Variants in DNAJC15 observed in about 807,000 individuals in gnomAD.
DNAJC15 encodes the protein DnaJ heat shock protein family (Hsp40) member C15.
A neutral mutation model predicts 22.4 loss-of-function variants in DNAJC15; 27 were observed. That is an observed-to-expected ratio of 1.20 (90% CI 0.89 to 1.66). DNAJC15 has a LOEUF of 1.66. Among genes scored for constraint, DNAJC15 ranks in the 40% most tolerant of loss-of-function variants. DNAJC15 has a pLI of 0.00. For synonymous variants in DNAJC15, 79 were observed against 63.2 expected (o/e 1.25, Z -1.19); for missense variants, 208 against 187.1 (o/e 1.11, Z -0.65).
At chr13:43,057,956 G>T (rs1452009251) in intron 1 of DNAJC15, among the ~76,000 whole-genome samples, 1 of 152,164 alleles carries the variant, frequency 6.6e-6, no homozygotes, top group Non-Finnish European at 1.5e-5. Flanking sequence ...GATGTGATCT[G>T]TGTTTGAGTC....
At chr13:43,095,048 T>A (rs561603956) in intron 5 of DNAJC15, among the ~76,000 whole-genome samples, 6 of 152,314 alleles carry the variant, frequency 3.9e-5, no homozygotes, top group African/African-American at 7.2e-5. Flanking sequence ...TGGCTTTTTT[T>A]AGTTGCTTTT....
chr13:43,098,878 TC>T (rs1449857806), intron 5 of DNAJC15, among the ~76,000 whole-genome samples: 1 of 152,202 alleles, frequency 6.6e-6, no homozygotes, highest in Non-Finnish European at 1.5e-5. Flanking sequence ...TTATGGTCCT[TC>T]CATAATAATT....
intron 1 of DNAJC15, among the ~76,000 whole-genome samples, chr13:43,056,140 G>T (rs191085241): frequency 6.6e-6 from 1 of 151,472 alleles, no homozygotes; most frequent in East Asian, 1.9e-4. Flanking sequence ...AATTTATTGA[G>T]ACTTGTTTTT....
chr13:43,104,701 T>G (rs2040787823), intron 5 of DNAJC15, among the ~76,000 whole-genome samples: 1 of 151,074 alleles, frequency 6.6e-6, no homozygotes, highest in Admixed American at 6.6e-5. Flanking sequence ...TTCTTTTTTT[T>G]TTTTTGGAGA....
At chr13:43,091,927 A>C (rs1315587633) in intron 5 of DNAJC15, among the ~76,000 whole-genome samples, 1 of 152,218 alleles carries the variant, frequency 6.6e-6, no homozygotes, top group Non-Finnish European at 1.5e-5. Context: ...GCATATGGTC[A>C]ATTTTGGGAA....
At chr13:43,038,501 C>T (rs574095379) in intron 1 of DNAJC15, among the ~76,000 whole-genome samples, 2 of 152,168 alleles carry the variant, frequency 1.3e-5, no homozygotes, top group East Asian at 1.9e-4. Flanking sequence ...ATTAAAAATA[C>T]GACTGGGGAG....
chr13:43,103,764 G>GATTTCCTTT (rs2040782474), intron 5 of DNAJC15, among the ~76,000 whole-genome samples: 1 of 152,082 alleles, frequency 6.6e-6, no homozygotes, highest in African/African-American at 2.4e-5. Context: ...GTAGATTTGT[G>GATTTCCTTT]GGTTTTTCCT....
intron 5 of DNAJC15, among the ~76,000 whole-genome samples, chr13:43,096,566 T>C (rs561771705): frequency 2.4e-4 from 36 of 152,268 alleles, no homozygotes; most frequent in African/African-American, 8.4e-4. Flanking sequence ...ACTGAGTACT[T>C]AATGTAAGCC....
At chr13:43,025,805 G>A (rs2040378056) in intron 1 of DNAJC15, among the ~76,000 whole-genome samples, 1 of 152,218 alleles carries the variant, frequency 6.6e-6, no homozygotes, top group Non-Finnish European at 1.5e-5. Context: ...TAGGGAGGCT[G>A]AGGCAGAAGA....
intron 1 of DNAJC15, among the ~76,000 whole-genome samples, chr13:43,045,399 G>C (rs1009390351): frequency 6.6e-6 from 1 of 152,180 alleles, no homozygotes; most frequent in African/African-American, 2.4e-5. Flanking sequence ...GCAAGCTACT[G>C]TCTTAAAATC....
At chr13:43,065,479 C>G (rs181292893) in intron 1 of DNAJC15, among the ~76,000 whole-genome samples, 88 of 152,182 alleles carry the variant, frequency 5.8e-4, no homozygotes, top group African/African-American at 2.0e-3. Context: ...AAATGAAAAT[C>G]TAGAATCAGT....
intron 1 of DNAJC15, among the ~76,000 whole-genome samples, chr13:43,054,060 T>C (rs2040518220): frequency 6.6e-6 from 1 of 152,242 alleles, no homozygotes; most frequent in Non-Finnish European, 1.5e-5. Context: ...TTGTCTTTTA[T>C]TACCCTAAGG....
chr13:43,106,198 A>T (rs1057030461), intron 5 of DNAJC15, among the ~76,000 whole-genome samples: 1 of 152,206 alleles, frequency 6.6e-6, no homozygotes, highest in Admixed American at 6.5e-5. Context: ...CTGAGACCTT[A>T]TGATATTTTC....
rs917306400 is a variant in DNAJC15 at position 43,108,541 on chromosome 13, T to C, written c.*1293T>C. On this transcript the variant is annotated 3_prime_UTR_variant, in exon 6 of 6. Coordinates refer to ENST00000379221, the MANE Select transcript of DNAJC15 (RefSeq NM_013238.3). The stretch of plus-strand genomic sequence containing the variant: ...CATTGTTTCTATCTTAAAATACTTT[T>C]TAGATATCCTAGATGCATCTTTCAA... 4.6e-5 allele frequency: 7 copies of C among 152,208 alleles called. No homozygotes were observed. Among genetic ancestry groups the C allele is most frequent in the Non-Finnish European group, 8.8e-5 (6 of 68,030 alleles). 9.4% of individuals were successfully genotyped at this position (152,208 alleles called of 1,614,324 possible).
chr13:43,091,012 G>A (rs1169582060), intron 5 of DNAJC15, among the ~76,000 whole-genome samples: 1 of 152,030 alleles, frequency 6.6e-6, no homozygotes, highest in African/African-American at 2.4e-5. Context: ...CACAAATGAA[G>A]CCATCTGGGC....
rs1489320998 is a variant in DNAJC15, at chr13:43,109,567, A to G, written c.*2319A>G. On this transcript the variant is annotated 3_prime_UTR_variant, in exon 6 of 6. Transcript: ENST00000379221. ...TTAGCTTGGAATTTCCTTATTTCCC[A>G]TTTGCTTTGCAGGTGCCTTGGAGTC... is the stretch of plus-strand genomic sequence containing the variant. 2.0e-5 allele frequency: 3 copies of G among 152,126 alleles called. No individual in the cohort carries two copies. The highest frequency in any genetic ancestry group is 4.4e-5 in the Non-Finnish European group (3 of 68,016). 9.4% of individuals were successfully genotyped at this position (152,126 alleles called of 1,614,324 possible).
chr13:43,065,850 T>A, intron 2 of DNAJC15, 113 bp downstream of exon 2: 1 of 844,126 alleles, frequency 1.2e-6, no homozygotes, highest in Non-Finnish European at 1.9e-6. Flanking sequence ...TCAGACATAA[T>A]ACATTCTCAT....
intron 3 of DNAJC15, among the ~76,000 whole-genome samples, chr13:43,069,862 T>C (rs192550807): frequency 9.6e-4 from 146 of 152,292 alleles, no homozygotes; most frequent in African/African-American, 3.4e-3. Flanking sequence ...ATGTCAAAGT[T>C]GATATAATAC....
Position 43,110,599 on chromosome 13 carries a change from T to C in DNAJC15, c.*3351T>C, listed in dbSNP as rs2040820056. 1 of 152,186 alleles carries C rather than the reference T, an allele frequency of 6.6e-6. No individual in the cohort carries two copies. The highest frequency in any genetic ancestry group is 6.5e-5 in the Admixed American group (1 of 15,284). The allele number at this position is 152,186 out of a possible 1,614,324, so 9.4% of individuals were successfully genotyped here. ...AACTATTTTTCTGCTGTTACCCTTG[T>C]ACCTAAAGATGCCATCCTAATCCCC... On this transcript the variant is annotated 3_prime_UTR_variant, in exon 6 of 6. Transcript: ENST00000379221.
Sources: allele counts gnomAD v4.1 joint callset (sites outside exome capture counted in the v4.1 genomes callset), GRCh38; gene constraint gnomAD v4.1.1; transcripts MANE v1.5; gene names NCBI Gene and HGNC (gene_info 2026-07-23, HGNC 2026-07-21).